TAF1: variants seen among roughly 807,000 people sequenced by gnomAD.
The protein encoded by TAF1 is TATA-box binding protein associated factor 1.
TAF1 carries 2 observed loss-of-function variants against 138.5 expected under a neutral mutation model. That is an observed-to-expected ratio of 0.01 (90% CI 0.01 to 0.05). The LOEUF is 0.05. Ranked by LOEUF, TAF1 falls within the 10% of genes least tolerant of loss-of-function variation. TAF1 has a pLI of 1.00. For synonymous variants in TAF1, 437 were observed against 503.2 expected, an observed-to-expected ratio of 0.87 and a Z score of 1.76; for missense variants, 709 against 1,478.0, an observed-to-expected ratio of 0.48 and a Z score of 8.53.
intron 34 of TAF1, among the ~76,000 whole-genome samples, chrX:71,456,691 T>TTTTTTTTTTTC (rs2038313601): frequency 1.5e-5 from 1 of 67,525 alleles, no homozygotes; most frequent in Admixed American, 2.1e-4. Context: ...TTTTTTTTTT[T>TTTTTTTTTTTC]TGAGACCGAG....
intron 13 of TAF1, among the ~76,000 whole-genome samples, chrX:71,471,208 C>T (rs1237932300): frequency 8.4e-5 from 9 of 107,092 alleles, no homozygotes; most frequent in African/African-American, 3.1e-4. Flanking sequence ...GTCCCAGCTA[C>T]TCGGGAGGCT....
intron 36 of TAF1, among the ~76,000 whole-genome samples, chrX:71,460,319 CCT>C (rs755165769): frequency 1.7e-4 from 19 of 112,247 alleles, no homozygotes; most frequent in Non-Finnish European, 3.4e-4. Flanking sequence ...TAAGAAAAAT[CCT>C]GTTTGGGGAT....
chrX:71,452,107 T>G (rs1303151715), intron 32 of TAF1, among the ~76,000 whole-genome samples: 3 of 90,882 alleles, frequency 3.3e-5, no homozygotes, highest in African/African-American at 1.3e-4. Context: ...GGCGGGGGGC[T>G]GACCCCCCCC....
intron 32 of TAF1, among the ~76,000 whole-genome samples, chrX:71,432,496 A>G (rs1388878672): frequency 2.8e-5 from 3 of 108,507 alleles, no homozygotes; most frequent in Non-Finnish European, 5.7e-5. Flanking sequence ...CTGAAGATGG[A>G]GACTTTTTTT....
At chrX:71,403,201 G>A (rs1033798370) in intron 25 of TAF1, among the ~76,000 whole-genome samples, 1 of 110,000 alleles carries the variant, frequency 9.1e-6, no homozygotes, top group Non-Finnish European at 1.9e-5. Flanking sequence ...GCTAATTTTT[G>A]TATTTTTTGT....
At chrX:71,379,720 A>T (rs1326528882) in intron 8 of TAF1, among the ~76,000 whole-genome samples, 1 of 105,559 alleles carries the variant, frequency 9.5e-6, no homozygotes. Flanking sequence ...CTCCTGCCTC[A>T]GCCTCCCGGG....
At chrX:71,468,458 T>C (rs2038810454), downstream of TAF1, among the ~76,000 whole-genome samples, 1 of 108,088 alleles carries the variant, frequency 9.3e-6, no homozygotes, top group African/African-American at 3.4e-5. Flanking sequence ...GAGGCTGGCG[T>C]GGGCGGATCA....
intron 24 of TAF1, among the ~76,000 whole-genome samples, chrX:71,400,743 G>T (rs1443929716): frequency 1.8e-5 from 2 of 112,186 alleles, no homozygotes; most frequent in Non-Finnish European, 3.8e-5. Flanking sequence ...ATAATTCAGG[G>T]GAAGCACTTT....
intron 32 of TAF1, among the ~76,000 whole-genome samples, chrX:71,447,517 A>G (rs781527085): frequency 9.0e-6 from 1 of 110,672 alleles, no homozygotes; most frequent in African/African-American, 3.3e-5. Context: ...AGCCTGGCCA[A>G]CATCGTGAAA....
chrX:71,529,806 C>G, exon 15 of TAF1: 1 of 325,483 alleles, frequency 3.1e-6, no homozygotes, highest in South Asian at 2.7e-5. Context: ...CGTTTTGATA[C>G]GTGTCTCCTT....
chrX:71,433,995 A>G (rs949895770), intron 32 of TAF1, among the ~76,000 whole-genome samples: 4 of 112,350 alleles, frequency 3.6e-5, no homozygotes, highest in African/African-American at 1.3e-4. Flanking sequence ...ATCAGGCGAT[A>G]TACACGAAAT....
chrX:71,453,069 G>A (rs2038107588), intron 32 of TAF1, among the ~76,000 whole-genome samples: 1 of 110,700 alleles, frequency 9.0e-6, no homozygotes, highest in Non-Finnish European at 1.9e-5. Flanking sequence ...GGGAGAGGGA[G>A]ACCGTGGGGA....
At chrX:71,456,885 G>A (rs1296578482) in intron 34 of TAF1, among the ~76,000 whole-genome samples, 1 of 109,387 alleles carries the variant, frequency 9.1e-6, no homozygotes, top group South Asian at 4.0e-4. Context: ...ATGTTGGTCA[G>A]GCTGGTCTCG....
chrX:71,494,036 A>G (rs1330789261), intron 13 of TAF1, among the ~76,000 whole-genome samples: 1 of 111,676 alleles, frequency 9.0e-6, no homozygotes, highest in Non-Finnish European at 1.9e-5. Flanking sequence ...CACTTGAGGC[A>G]AGCTTGTCCA....
At chrX:71,452,364 G>A (rs1380855200) in intron 32 of TAF1, among the ~76,000 whole-genome samples, 9 of 109,912 alleles carry the variant, frequency 8.2e-5, no homozygotes, top group Non-Finnish European at 1.7e-4. Flanking sequence ...GGGCAGAGAC[G>A]CTCCTCACCT....
intron 18 of TAF1, among the ~76,000 whole-genome samples, chrX:71,390,823 C>T (rs1356532572): frequency 1.8e-5 from 2 of 111,205 alleles, no homozygotes; most frequent in African/African-American, 6.5e-5. Flanking sequence ...TGGTGAAACC[C>T]TGACTCTACT....
At chrX:71,528,015 ACT>A (rs1189401034) in intron 13 of TAF1, 2 of 172,343 alleles carry the variant, frequency 1.2e-5, no homozygotes. Flanking sequence ...ATAAGAAAAA[ACT>A]CTATTTTCCA....
At chrX:71,389,785 G>A (rs769399471) in intron 18 of TAF1, 120 bp downstream of exon 18, 25 of 493,856 alleles carry the variant, frequency 5.1e-5, no homozygotes, top group Non-Finnish European at 7.3e-5. Context: ...ACTGTTAGAT[G>A]TTCTTGCTTT....
intron 32 of TAF1, among the ~76,000 whole-genome samples, chrX:71,440,181 A>G (rs1443823912): frequency 8.9e-6 from 1 of 111,810 alleles, no homozygotes; most frequent in African/African-American, 3.3e-5. Flanking sequence ...CATGTTATAT[A>G]AATGGAATAG....
Sources: gnomAD v4.1 joint callset for allele counts (sites outside exome capture counted in the v4.1 genomes callset) on GRCh38, gnomAD v4.1.1 for gene constraint, MANE v1.5 for transcripts, NCBI Gene and HGNC (gene_info 2026-07-23, HGNC 2026-07-21) for gene names.